The following MAP4K4 variants were observed in gnomAD, a reference collection of about 807,000 sequenced individuals.
MAP4K4 encodes the protein HPK/GCK-like kinase HGK.
MAP4K4 carries 38 observed loss-of-function variants against 189.6 expected under a neutral mutation model. The ratio of observed to expected loss-of-function variants is 0.20; its 90% CI spans 0.15 to 0.26. MAP4K4 has a LOEUF of 0.26. MAP4K4 is among the 10% of genes least tolerant of loss of function. MAP4K4 has a pLI of 1.00. For missense variants in MAP4K4, 1,054 were observed against 1,726.9 expected (o/e 0.61, Z 6.91); for synonymous variants, 610 against 624.3 (o/e 0.98, Z 0.34).
At chr2:101,833,018 C>T (rs184558039) in intron 7 of MAP4K4, among the ~76,000 whole-genome samples, 2 of 152,250 alleles carry the variant, frequency 1.3e-5, no homozygotes, top group Admixed American at 1.3e-4. Context: ...CAGCAGGGGA[C>T]ATGCAGAACT....
Position 101,885,713 on chromosome 2 carries a change from GA to G in MAP4K4, c.3621+427del, listed in dbSNP as rs1305141319. Among the ~76,000 whole-genome samples, 24 of 152,294 alleles carry G rather than the reference GA, an allele frequency of 1.6e-4. No individual in the cohort carries two copies. In the East Asian group the frequency reaches 1.7e-3, roughly 11 times the overall value. ...TTAAAAATTAAATTACAGAAATTCT[GA>G]TGACAACATTATATACTAAGTGAAA... is the stretch of plus-strand genomic sequence containing the variant. On this transcript the variant is annotated intron_variant, in intron 29 of 32. Coordinates refer to ENST00000324219, the Ensembl canonical transcript of MAP4K4.
At chr2:101,745,613 T>C (rs1244430483) in intron 2 of MAP4K4, among the ~76,000 whole-genome samples, 2 of 152,110 alleles carry the variant, frequency 1.3e-5, no homozygotes, top group Non-Finnish European at 2.9e-5. Context: ...TGCACACTTT[T>C]GGGGGCCCAT....
chr2:101,859,770 A>G lies in MAP4K4; in HGVS notation c.1610A>G (p.Gln537Arg), dbSNP rs771183594. The G allele has an allele frequency of 1.9e-6, 3 of 1,610,296 alleles. No individual in the cohort carries two copies. The Admixed American group carries it at 5.0e-5, about 27-fold the overall frequency. The change falls in exon 15 of 33, where the codon CAG becomes CGG. Residue 537 changes from glutamine to arginine, a missense_variant. Gln to Arg is a conservative substitution (Grantham distance 43, BLOSUM62 1). Around this residue, in one of 4 missense-constraint regions of MAP4K4, gnomAD observed 646 missense variants for 796.2 expected, o/e 0.81. Coordinates refer to ENST00000324219, the Ensembl canonical transcript of MAP4K4. ...AGGAGGCCGCACCCGCAGCACTCGC[A>G]GCAGCCGCCACCACCGCAGCAGGAA...
intron 2 of MAP4K4, among the ~76,000 whole-genome samples, chr2:101,758,102 C>T (rs1286325982): frequency 6.6e-6 from 1 of 152,178 alleles, no homozygotes; most frequent in Non-Finnish European, 1.5e-5. Context: ...AAATATCTTA[C>T]TGTATATAAT....
chr2:101,797,839 C>T lies in MAP4K4; in HGVS notation c.180+7063C>T, dbSNP rs141371609. On this transcript the variant is annotated intron_variant, in intron 3 of 32. Transcript: ENST00000324219. ...ATTACAGCAGTTTTTTTCAACCTTCCGTTTTTTTGACTGTCTCCTCCCTAT... is the reference window on the plus strand; with the variant it reads ...ATTACAGCAGTTTTTTTCAACCTTCTGTTTTTTTGACTGTCTCCTCCCTAT... Among the ~76,000 whole-genome samples, 833 of 138,204 alleles carry T rather than the reference C, an allele frequency of 6.0e-3. 7 individuals carry two copies. In the Middle Eastern group the frequency reaches 0.067, roughly 11 times the overall value. 90.7% of individuals were successfully genotyped at this position (138,204 alleles called of 152,430 possible).
At chr2:101,856,056 T>C in exon 13 of MAP4K4, 1 of 1,551,478 alleles carries the variant, frequency 6.4e-7, no homozygotes, top group Non-Finnish European at 8.7e-7. Context: ...AAGAGGCGTC[T>C]AGAGGAGTTG....
Position 101,770,449 on chromosome 2 carries a change from T to C in MAP4K4, c.124-20271T>C, listed in dbSNP as rs1404150278. ...ATGTTAGTAGACCCAGCTAATTTTT[T>C]GTATGTTAGTAGAGACGGCATTTTG... is the stretch of plus-strand genomic sequence containing the variant. On this transcript the variant is annotated intron_variant, in intron 2 of 32. Coordinates refer to ENST00000324219, the Ensembl canonical transcript of MAP4K4. Among the ~76,000 whole-genome samples, 2 of 151,986 alleles carry C rather than the reference T, an allele frequency of 1.3e-5. 1 individual carries two copies. Among genetic ancestry groups the C allele is most frequent in the Middle Eastern group, 6.3e-3 (2 of 316 alleles).
intron 2 of MAP4K4, among the ~76,000 whole-genome samples, chr2:101,735,692 A>G (rs1207130008): frequency 6.6e-6 from 1 of 152,236 alleles, no homozygotes; most frequent in Non-Finnish European, 1.5e-5. Context: ...GAAGCAGAAG[A>G]GGGAGACCAC....
At chr2:101,707,017 C>CA (rs1325824113) in intron 2 of MAP4K4, among the ~76,000 whole-genome samples, 2 of 152,118 alleles carry the variant, frequency 1.3e-5, no homozygotes, top group Non-Finnish European at 2.9e-5. Flanking sequence ...CTGGGGCTTT[C>CA]AACCACTAAA....
rs142399970 is a variant in MAP4K4 at position 101,745,131 on chromosome 2, A to G, written c.124-45589A>G. ...GACGTTGGGACTTGATTTTTTGACA[A>G]GTATTTGATGGTGTGTTTCTTTGGT... On this transcript the variant is annotated intron_variant, in intron 2 of 32. Coordinates refer to ENST00000324219, the Ensembl canonical transcript of MAP4K4. 1.5e-3 allele frequency among the ~76,000 whole-genome samples: 231 copies of G among 152,034 alleles called. 1 individual carries two copies. The highest frequency in any genetic ancestry group is 0.014 in the East Asian group (70 of 5,170).
chr2:101,822,785 G>A (rs980059599), intron 3 of MAP4K4, among the ~76,000 whole-genome samples: 2 of 152,156 alleles, frequency 1.3e-5, no homozygotes, highest in African/African-American at 4.8e-5. Flanking sequence ...GTTGTGAGTG[G>A]AATGATTGTG....
At chr2:101,849,620 G>A (rs2097215629) in intron 12 of MAP4K4, among the ~76,000 whole-genome samples, 1 of 56,102 alleles carries the variant, frequency 1.8e-5, no homozygotes, top group Admixed American at 3.0e-4. Context: ...CAATAGTTTT[G>A]TGCTCTTTTT....
exon 33 of MAP4K4, chr2:101,893,232 G>A (rs1206263327): frequency 1.5e-5 from 7 of 456,332 alleles, no homozygotes; most frequent in Non-Finnish European, 2.6e-5. Flanking sequence ...AGACACAGCA[G>A]CTGGTGGTTT....
At chr2:101,844,046 C>G (rs1433694020) in intron 11 of MAP4K4, 55 bp from the exon 12 acceptor site, 1 of 1,269,212 alleles carries the variant, frequency 7.9e-7, no homozygotes, top group Non-Finnish European at 1.1e-6. Context: ...TATTGACTCA[C>G]TTATAGGACA....
intron 29 of MAP4K4, among the ~76,000 whole-genome samples, chr2:101,886,639 G>C (rs752003692): frequency 6.6e-6 from 1 of 152,168 alleles, no homozygotes; most frequent in Non-Finnish European, 1.5e-5. Context: ...AGGCAAAAAC[G>C]TAATAAAGAC....
rs551906824 is a variant in MAP4K4, at chr2:101,828,516, TAGAC to T, written c.418-983_418-980del. On this transcript the variant is annotated intron_variant, in intron 5 of 32. Transcript: ENST00000324219. ...GTCGAATAAGCTCTGCTCTGTTTCA[TAGAC>T]AGACCAGTAAATGAATGTTTTGAAA... is the stretch of plus-strand genomic sequence containing the variant. Among the ~76,000 whole-genome samples the T allele has an allele frequency of 6.6e-5, 10 of 152,376 alleles. No individual in the cohort carries two copies. The East Asian group carries it at 1.5e-3, about 23-fold the overall frequency.
At chr2:101,823,859 T>C in intron 3 of MAP4K4, 69 bp from the exon 4 acceptor site, 1 of 1,319,836 alleles carries the variant, frequency 7.6e-7, no homozygotes, top group Non-Finnish European at 1.0e-6. Flanking sequence ...TTATTGTATG[T>C]AGTGTGGGGG....
intron 2 of MAP4K4, among the ~76,000 whole-genome samples, chr2:101,723,699 G>A (rs1403532555): frequency 6.6e-6 from 1 of 152,158 alleles, no homozygotes; most frequent in Admixed American, 6.6e-5. Flanking sequence ...AGTACTTTTT[G>A]TTGCTAGCCT....
chr2:101,869,365 A>ATTG (rs898977256), intron 21 of MAP4K4, among the ~76,000 whole-genome samples: 58 of 150,872 alleles, frequency 3.8e-4, no homozygotes, highest in African/African-American at 1.4e-3. Flanking sequence ...TCTTTTTTTT[A>ATTG]TTGTCATGGG....
Sources: gnomAD v4.1 joint callset for allele counts (sites outside exome capture counted in the v4.1 genomes callset) on GRCh38, gnomAD v4.1.1 for gene constraint, gnomAD v4.1.1 regional missense constraint, MANE v1.5 for transcripts, NCBI Gene and HGNC (gene_info 2026-07-23, HGNC 2026-07-21) for gene names.